LYPD6: variants seen among roughly 807,000 people sequenced by gnomAD.
LYPD6 encodes the protein LY6/PLAUR domain containing 6, also known as ly6/PLAUR domain-containing protein 6.
In LYPD6, 15 loss-of-function variants were observed where a neutral mutation model predicts 22.7. The observed-to-expected ratio is 0.66, with a 90% CI of 0.44 to 1.02. The LOEUF (loss-of-function observed/expected upper bound fraction) is 1.02, where lower values mean the gene tolerates loss of function less well. Ranked by LOEUF, LYPD6 falls within the 50% of genes least tolerant of loss-of-function variation. LYPD6 has a pLI of 0.00. For synonymous variants in LYPD6, 72 were observed against 77.5 expected (o/e 0.93, Z 0.37); for missense variants, 189 against 208.4 (o/e 0.91, Z 0.57).
rs550332429 is a variant in LYPD6 at position 149,473,631 on chromosome 2, C to G, written c.*2781C>G. ...AATAAAGGTTTTGAGTGTATCTTAC[C>G]AGGCTCCTCCCTGCAAATGCACATG... On this transcript the variant is annotated 3_prime_UTR_variant, in exon 5 of 5. Transcript: ENST00000334166. 3.9e-5 allele frequency: 6 copies of G among 152,152 alleles called. No homozygotes were observed. Among genetic ancestry groups the G allele is most frequent in the Non-Finnish European group, 8.8e-5 (6 of 68,030 alleles). 9.4% of individuals were successfully genotyped at this position (152,152 alleles called of 1,614,324 possible). A position where few individuals can be genotyped will look rare whatever the true frequency, so the allele number is the denominator to read the frequency against.
chr2:149,365,395 G>A (rs1482975978), intron 1 of LYPD6, among the ~76,000 whole-genome samples: 1 of 152,200 alleles, frequency 6.6e-6, no homozygotes, highest in Non-Finnish European at 1.5e-5. Context: ...GTTAGGAACT[G>A]AATCAATGTA....
At chr2:149,444,589 T>C (rs1256976113) in intron 2 of LYPD6, among the ~76,000 whole-genome samples, 1 of 152,220 alleles carries the variant, frequency 6.6e-6, no homozygotes, top group African/African-American at 2.4e-5. Context: ...TTCTAAATCC[T>C]TTTTTGTCAT....
At chr2:149,343,626 G>C (rs541647659) in intron 1 of LYPD6, among the ~76,000 whole-genome samples, 1 of 152,324 alleles carries the variant, frequency 6.6e-6, no homozygotes, top group African/African-American at 2.4e-5. Context: ...CAAGCAAGGG[G>C]ACTGAGATGG....
chr2:149,475,384 C>T (rs1248427827), downstream of LYPD6, among the ~76,000 whole-genome samples: 1 of 152,140 alleles, frequency 6.6e-6, no homozygotes, highest in Admixed American at 6.5e-5. Context: ...ATCATGACTT[C>T]ACCTTGGGGC....
At chr2:149,411,983 T>C (rs1219286829) in intron 1 of LYPD6, among the ~76,000 whole-genome samples, 2 of 152,356 alleles carry the variant, frequency 1.3e-5, no homozygotes, top group East Asian at 3.9e-4. Context: ...TATTAAAGTC[T>C]GTACGATATT....
At chr2:149,384,180 A>T (rs1156807379) in intron 1 of LYPD6, among the ~76,000 whole-genome samples, 1 of 152,220 alleles carries the variant, frequency 6.6e-6, no homozygotes, top group African/African-American at 2.4e-5. Context: ...TTCATTTTTT[A>T]ACAGCATCTC....
chr2:149,391,180 C>CT (rs1377870886), intron 1 of LYPD6, among the ~76,000 whole-genome samples: 3 of 152,160 alleles, frequency 2.0e-5, no homozygotes, highest in African/African-American at 7.2e-5. Context: ...CTGATTGATC[C>CT]TTTTTTGTTA....
chr2:149,376,591 T>G (rs1419791363), intron 1 of LYPD6, among the ~76,000 whole-genome samples: 1 of 152,224 alleles, frequency 6.6e-6, no homozygotes, highest in Non-Finnish European at 1.5e-5. Context: ...CAATTAATAA[T>G]ATTGCAATTT....
chr2:149,482,041 G>A, the LYPD6 span, among the ~76,000 whole-genome samples: 16 of 151,942 alleles, frequency 1.1e-4, no homozygotes, highest in Admixed American at 3.9e-4. Context: ...TACCAATGTT[G>A]GAATCCTACC....
intron 3 of LYPD6, among the ~76,000 whole-genome samples, chr2:149,449,815 G>A (rs1683769032): frequency 6.6e-6 from 1 of 152,110 alleles, no homozygotes; most frequent in Admixed American, 6.6e-5. Flanking sequence ...TTTATTTGGT[G>A]GGGGTAGAGA....
intron 1 of LYPD6, among the ~76,000 whole-genome samples, chr2:149,404,019 G>A (rs1192630704): frequency 1.3e-5 from 2 of 151,932 alleles, no homozygotes; most frequent in African/African-American, 4.8e-5. Flanking sequence ...TTTTTCCCAG[G>A]TTTGTCAAAG....
intron 1 of LYPD6, among the ~76,000 whole-genome samples, chr2:149,421,046 G>A (rs1683067108): frequency 2.0e-5 from 3 of 152,130 alleles, no homozygotes; most frequent in Non-Finnish European, 4.4e-5. Context: ...ATCCCCAGGG[G>A]ATTCCAATGT....
intron 1 of LYPD6, among the ~76,000 whole-genome samples, chr2:149,426,171 G>A (rs1352643726): frequency 6.6e-6 from 1 of 152,142 alleles, no homozygotes; most frequent in African/African-American, 2.4e-5. Flanking sequence ...AGCACAGGCT[G>A]GCTCTTCTCT....
chr2:149,377,109 C>T (rs1244828193), intron 1 of LYPD6, among the ~76,000 whole-genome samples: 1 of 152,178 alleles, frequency 6.6e-6, no homozygotes, highest in Non-Finnish European at 1.5e-5. Context: ...AAACTGATGA[C>T]CCCTGGTTTA....
At chr2:149,342,190 C>A (rs1681175419) in intron 1 of LYPD6, among the ~76,000 whole-genome samples, 1 of 152,132 alleles carries the variant, frequency 6.6e-6, no homozygotes, top group Admixed American at 6.5e-5. Flanking sequence ...TTTACCCTTA[C>A]CCTGGGGAAG....
chr2:149,355,179 G>A lies in LYPD6; in HGVS notation c.-72+24457G>A, dbSNP rs531992906. Among the ~76,000 whole-genome samples the A allele has an allele frequency of 2.0e-5, 3 of 152,264 alleles. No homozygotes were observed. In the East Asian group the frequency reaches 5.8e-4, roughly 29 times the overall value. On this transcript the variant is annotated intron_variant, in intron 1 of 4. Transcript: ENST00000334166. ...GCAGGCTCATAGAGTTGTGTATCAA[G>A]ATGTGCCCAAGAGAACTACCATCAG...
the LYPD6 span, among the ~76,000 whole-genome samples, chr2:149,483,581 A>G: frequency 1.3e-5 from 2 of 152,182 alleles, no homozygotes; most frequent in Non-Finnish European, 2.9e-5. Flanking sequence ...AATAAATGCA[A>G]TTGAGGAGGT....
intron 1 of LYPD6, among the ~76,000 whole-genome samples, chr2:149,353,376 A>G (rs1174875072): frequency 1.3e-5 from 2 of 152,222 alleles, no homozygotes; most frequent in Admixed American, 1.3e-4. Context: ...TGTTAAGGAT[A>G]GGATGATGCA....
intron 1 of LYPD6, among the ~76,000 whole-genome samples, chr2:149,396,410 A>C (rs377297017): frequency 2.2e-4 from 34 of 151,840 alleles, no homozygotes; most frequent in African/African-American, 7.7e-4. Flanking sequence ...CCTAATGCCT[A>C]TGTTTTCTTT....
Sources: allele counts gnomAD v4.1 joint callset (sites outside exome capture counted in the v4.1 genomes callset), GRCh38; gene constraint gnomAD v4.1.1; transcripts MANE v1.5; gene names NCBI Gene and HGNC (gene_info 2026-07-23, HGNC 2026-07-21).